The following ASTN2 variants were observed in gnomAD, a reference collection of about 807,000 sequenced individuals.
The protein encoded by ASTN2 is astrotactin-2.
ASTN2 carries 54 observed loss-of-function variants against 139.8 expected under a neutral mutation model. The observed-to-expected ratio is 0.39, with a 90% CI of 0.31 to 0.48. The LOEUF (loss-of-function observed/expected upper bound fraction) is 0.48, where lower values mean the gene tolerates loss of function less well. Among genes scored for constraint, ASTN2 ranks in the 20% least tolerant of loss-of-function variants. The probability of loss-of-function intolerance (pLI) is 0.95; values close to 1 mark genes in which losing one functional copy is unlikely to be tolerated. For missense variants in ASTN2, 1,565 were observed against 1,725.1 expected (o/e 0.91, Z 1.64); for synonymous variants, 756 against 719.5 (o/e 1.05, Z -0.81).
intron 1 of ASTN2, among the ~76,000 whole-genome samples, chr9:117,365,586 A>G (rs1829821125): frequency 6.6e-6 from 1 of 152,180 alleles, no homozygotes; most frequent in Non-Finnish European, 1.5e-5. Flanking sequence ...GCTCTGGTCC[A>G]TGAGTGGCAT....
intron 13 of ASTN2, among the ~76,000 whole-genome samples, chr9:116,740,845 C>A (rs1829080876): frequency 6.6e-6 from 1 of 151,090 alleles, no homozygotes; most frequent in Non-Finnish European, 1.5e-5. Context: ...GCTTATTTTC[C>A]TGAATCCCAT....
intron 16 of ASTN2, among the ~76,000 whole-genome samples, chr9:116,706,359 G>T (rs1827988380): frequency 6.6e-6 from 1 of 151,794 alleles, no homozygotes; most frequent in African/African-American, 2.4e-5. Flanking sequence ...TCCCCCTTCC[G>T]CCCCATATCT....
At chr9:116,863,841 G>A in intron 10 of ASTN2, 108 bp from the exon 11 acceptor site, 5 of 1,166,492 alleles carry the variant, frequency 4.3e-6, no homozygotes, top group South Asian at 1.9e-5. Context: ...CTTATAATCA[G>A]GAAAACAATA....
chr9:117,414,086 G>A lies in ASTN2; in HGVS notation c.442+411C>T, dbSNP rs777003383. Among the ~76,000 whole-genome samples, 3 of 152,184 alleles carry A rather than the reference G, an allele frequency of 2.0e-5. No individual in the cohort carries two copies. The highest frequency in any genetic ancestry group is 4.4e-5 in the Non-Finnish European group (3 of 68,044). ...AACTCCGAGGCGAGAGCGAGGGGGCGGTGACGGCGGGTGGCCAGTGACGGT... is the reference window on the plus strand; with the variant it reads ...AACTCCGAGGCGAGAGCGAGGGGGCAGTGACGGCGGGTGGCCAGTGACGGT... On this transcript the variant is annotated intron_variant, in intron 1 of 22. Transcript: ENST00000313400. This position sits in a 1 kb window ranked among gnomAD's most constrained non-coding sequence, Gnocchi z 4.2.
chr9:116,469,486 T>A (rs1037206293), intron 20 of ASTN2, among the ~76,000 whole-genome samples: 8 of 152,146 alleles, frequency 5.3e-5, no homozygotes, highest in African/African-American at 1.9e-4. Context: ...CAGGAGGGAA[T>A]ATAGTTCAGC....
intron 10 of ASTN2, among the ~76,000 whole-genome samples, chr9:116,892,725 C>A (rs1833793946): frequency 6.6e-6 from 1 of 152,088 alleles, no homozygotes; most frequent in Non-Finnish European, 1.5e-5. Context: ...TGTCTTTGAT[C>A]CAAGCATGAA....
intron 10 of ASTN2, among the ~76,000 whole-genome samples, chr9:116,880,451 A>T (rs10983392): frequency 0.36 from 54,460 of 152,094 alleles, 10,201 homozygotes; most frequent in East Asian, 0.49. Flanking sequence ...TTCTTTCCTG[A>T]AGGGGCATAT....
chr9:116,651,420 G>C, intron 17 of ASTN2, 108 bp downstream of exon 17: 1 of 1,229,880 alleles, frequency 8.1e-7, no homozygotes, highest in Non-Finnish European at 1.1e-6. Context: ...CCATGATGAT[G>C]ATATGATGAT....
chr9:117,117,897 G>A (rs1829438438), intron 4 of ASTN2, among the ~76,000 whole-genome samples: 1 of 152,130 alleles, frequency 6.6e-6, no homozygotes, highest in Admixed American at 6.5e-5. Context: ...CTGGGGGTAA[G>A]AGCCACCCAA....
At chr9:116,930,725 A>G (rs1043412671) in intron 10 of ASTN2, among the ~76,000 whole-genome samples, 3 of 152,170 alleles carry the variant, frequency 2.0e-5, no homozygotes, top group African/African-American at 7.2e-5. Context: ...ATAAATATTT[A>G]CTGAGTACTT....
intron 1 of ASTN2, among the ~76,000 whole-genome samples, chr9:117,322,097 C>G (rs1363000402): frequency 1.4e-5 from 2 of 145,992 alleles, no homozygotes; most frequent in Non-Finnish European, 3.0e-5. Context: ...TATCCCCGGG[C>G]AAGCCTTTAT....
At chr9:116,824,511 G>C (rs1468439107) in intron 11 of ASTN2, among the ~76,000 whole-genome samples, 2 of 152,160 alleles carry the variant, frequency 1.3e-5, no homozygotes, top group East Asian at 3.9e-4. Flanking sequence ...GGGCCTGCCA[G>C]CAAAACATGA....
intron 22 of ASTN2, among the ~76,000 whole-genome samples, chr9:116,427,822 C>T (rs1847356640): frequency 6.6e-6 from 1 of 152,254 alleles, no homozygotes; most frequent in Non-Finnish European, 1.5e-5. Context: ...CCTCTTTCCC[C>T]TCGGGCAAGT....
At chr9:117,407,779 G>C (rs190491477) in intron 1 of ASTN2, among the ~76,000 whole-genome samples, 177 of 152,220 alleles carry the variant, frequency 1.2e-3, no homozygotes, top group Non-Finnish European at 2.1e-3. Context: ...CCTCTTTCTG[G>C]GGGCAGAGAG....
At chr9:116,500,582 A>T (rs768945738) in intron 19 of ASTN2, among the ~76,000 whole-genome samples, 2 of 152,202 alleles carry the variant, frequency 1.3e-5, no homozygotes, top group Non-Finnish European at 2.9e-5. Context: ...TGCTGATATC[A>T]AATCTCCTTT....
At chr9:116,569,331 T>C (rs1369405973) in intron 19 of ASTN2, among the ~76,000 whole-genome samples, 2 of 152,244 alleles carry the variant, frequency 1.3e-5, no homozygotes, top group African/African-American at 4.8e-5. Context: ...GGTGAACATC[T>C]GATGATGCAA....
chr9:117,226,742 C>T (rs966466290), intron 2 of ASTN2, among the ~76,000 whole-genome samples: 1 of 152,214 alleles, frequency 6.6e-6, no homozygotes, highest in Non-Finnish European at 1.5e-5. Context: ...ACAGGACACA[C>T]ATTTGGCTCC....
chr9:117,319,403 TC>T (rs1828250040), intron 1 of ASTN2, among the ~76,000 whole-genome samples: 1 of 152,104 alleles, frequency 6.6e-6, no homozygotes, highest in Non-Finnish European at 1.5e-5. Flanking sequence ...AACAAATTCA[TC>T]CCAGTCTACT....
At chr9:116,845,090 C>G (rs1022644863) in intron 11 of ASTN2, among the ~76,000 whole-genome samples, 1 of 152,156 alleles carries the variant, frequency 6.6e-6, no homozygotes, top group Non-Finnish European at 1.5e-5. Flanking sequence ...TGACTCCAGG[C>G]CCCTGCTCTC....
Sources: gnomAD v4.1 joint callset for allele counts (sites outside exome capture counted in the v4.1 genomes callset) on GRCh38, gnomAD v4.1.1 for gene constraint, Gnocchi (gnomAD v3.1) non-coding constraint, MANE v1.5 for transcripts, NCBI Gene and HGNC (gene_info 2026-07-23, HGNC 2026-07-21) for gene names.